The following GRID1 variants were observed in gnomAD, a reference collection of about 807,000 sequenced individuals.
The protein encoded by GRID1 is glutamate ionotropic receptor delta type subunit 1, also known as glutamate receptor ionotropic, delta-1.
A neutral mutation model predicts 98.0 loss-of-function variants in GRID1; 28 were observed. That is an observed-to-expected ratio of 0.29 (90% CI 0.21 to 0.39). The LOEUF is 0.39. GRID1 is among the 10% of genes least tolerant of loss of function. The pLI is 1.00. For synonymous variants in GRID1, 553 were observed against 538.5 expected (o/e 1.03, Z -0.37); for missense variants, 1,111 against 1,340.5 (o/e 0.83, Z 2.67).
chr10:86,053,556 T>A (rs1843532339), intron 4 of GRID1, among the ~76,000 whole-genome samples: 1 of 152,122 alleles, frequency 6.6e-6, no homozygotes, highest in Non-Finnish European at 1.5e-5. Flanking sequence ...GAGATGGGGT[T>A]TCGCCGTGTT....
rs573309360 is a variant in GRID1, at chr10:86,299,824, G to T, written c.235+64117C>A. Among the ~76,000 whole-genome samples the T allele has an allele frequency of 1.4e-3, 216 of 152,104 alleles. 2 individuals are homozygous for T. The highest frequency in any genetic ancestry group is 2.7e-3 in the Non-Finnish European group (184 of 68,022). On this transcript the variant is annotated intron_variant, in intron 2 of 15. Coordinates refer to ENST00000327946, the MANE Select transcript of GRID1 (RefSeq NM_017551.3). ...ACTTGGGCCACCAAACTGCAAATGG[G>T]ACAGACCCACGTGCTGGAGTTAGTC...
intron 4 of GRID1, among the ~76,000 whole-genome samples, chr10:86,108,234 G>A (rs553485072): frequency 2.0e-5 from 3 of 152,240 alleles, no homozygotes; most frequent in East Asian, 1.9e-4. Flanking sequence ...CACCCCCATC[G>A]CACACCCTGC....
chr10:86,199,175 A>G (rs1186710355), intron 3 of GRID1, among the ~76,000 whole-genome samples: 1 of 152,108 alleles, frequency 6.6e-6, no homozygotes, highest in African/African-American at 2.4e-5. Flanking sequence ...TGGAGTGACC[A>G]TGTGTGTCCA....
chr10:86,329,452 C>T (rs945972141), intron 2 of GRID1, among the ~76,000 whole-genome samples: 2 of 152,208 alleles, frequency 1.3e-5, no homozygotes. Flanking sequence ...GAAGGGGGCC[C>T]GCTGATGTCC....
At chr10:85,843,209 A>C (rs77011989) in intron 8 of GRID1, among the ~76,000 whole-genome samples, 1 of 152,002 alleles carries the variant, frequency 6.6e-6, no homozygotes, top group African/African-American at 2.4e-5. Context: ...CTTTTAAACA[A>C]ATGGTGATGA....
At position 86,304,977 on chromosome 10, in the gene GRID1, T is replaced by A. The variant is rs186886202; in HGVS notation, c.235+58964A>T. On this transcript the variant is annotated intron_variant, in intron 2 of 15. Transcript: ENST00000327946. Reference sequence around the variant, plus strand: ...TTCTAGGCTATGGGGGCCAGTTATTTCGTCAAACATGAGTCTAGAGGTTGC... The same window carrying A: ...TTCTAGGCTATGGGGGCCAGTTATTACGTCAAACATGAGTCTAGAGGTTGC... 3.3e-3 allele frequency among the ~76,000 whole-genome samples: 506 copies of A among 152,284 alleles called. 2 individuals carry two copies. Among genetic ancestry groups the A allele is most frequent in the Middle Eastern group, 6.8e-3 (2 of 294 alleles).
At chr10:85,989,112 T>C (rs1200478697) in intron 4 of GRID1, among the ~76,000 whole-genome samples, 1 of 152,202 alleles carries the variant, frequency 6.6e-6, no homozygotes, top group African/African-American at 2.4e-5. Context: ...TATCGAGAGT[T>C]GCCTGCTACC....
At chr10:85,971,437 CA>C (rs1402110440) in intron 4 of GRID1, among the ~76,000 whole-genome samples, 2 of 151,794 alleles carry the variant, frequency 1.3e-5, no homozygotes, top group African/African-American at 4.8e-5. Flanking sequence ...ACATATGTCC[CA>C]AAAAGACCCA....
chr10:85,826,872 T>A (rs1200473590), intron 8 of GRID1, among the ~76,000 whole-genome samples: 1 of 152,148 alleles, frequency 6.6e-6, no homozygotes, highest in Non-Finnish European at 1.5e-5. Flanking sequence ...GAGCTGGGGC[T>A]TGATCCCCTA....
intron 10 of GRID1, 135 bp downstream of exon 10, chr10:85,727,720 T>C: frequency 1.5e-6 from 1 of 656,238 alleles, no homozygotes; most frequent in Non-Finnish European, 2.7e-6. Flanking sequence ...CAAAAGAGCC[T>C]TTGTGTGGGG....
chr10:86,161,632 T>C (rs1845325010), intron 3 of GRID1, among the ~76,000 whole-genome samples: 1 of 152,074 alleles, frequency 6.6e-6, no homozygotes, highest in Non-Finnish European at 1.5e-5. Flanking sequence ...CAGGAGGGCT[T>C]ATCTCTCATC....
rs369744965 is a variant in GRID1 at position 85,619,834 on chromosome 10, G to A, written c.2360+33C>T. ...CTACCCTTGACCACTAGAGTCCTGA[G>A]GCAGCGGTAGTTACCTTGCTGCCCA... On this transcript the variant is annotated intron_variant, in intron 14 of 15. Transcript: ENST00000327946. 18 of 1,575,358 alleles carry A rather than the reference G, an allele frequency of 1.1e-5. No individual in the cohort carries two copies. The African/African-American group carries it at 2.2e-4, about 19-fold the overall frequency.
At chr10:85,872,257 G>C (rs1843285739) in intron 5 of GRID1, among the ~76,000 whole-genome samples, 1 of 152,118 alleles carries the variant, frequency 6.6e-6, no homozygotes, top group Non-Finnish European at 1.5e-5. Context: ...GAATATAAAG[G>C]ACCTGGGGAG....
chr10:86,342,304 C>T (rs1848321168), intron 2 of GRID1, among the ~76,000 whole-genome samples: 1 of 152,212 alleles, frequency 6.6e-6, no homozygotes, highest in South Asian at 2.1e-4. Context: ...AAAGGCCACA[C>T]AGCAGTGCTG....
intron 4 of GRID1, among the ~76,000 whole-genome samples, chr10:86,098,243 A>C (rs1194361291): frequency 1.3e-5 from 2 of 152,234 alleles, no homozygotes; most frequent in Non-Finnish European, 2.9e-5. Flanking sequence ...AACCATTGTT[A>C]ACATTTTCTG....
rs199648706 is a variant in GRID1 at position 85,613,417 on chromosome 10, G to A, written c.2591C>T (p.Thr864Ile). ...WWNSNRCHQETPKEDKEVNLE... is the reference protein window; with the variant it reads ...WWNSNRCHQEIPKEDKEVNLE... The stretch of plus-strand genomic sequence containing the variant: ...CCCCAGGGTGCTGACCTCCTTGGGG[G>A]TCTCCTGGTGGCACCGGTTGCTGTT... Residue 864 changes from threonine (T) to isoleucine (I), a missense_variant, in exon 15 of 16, where the codon ACC becomes ATC. Physicochemically the swap from Thr to Ile is moderately conservative, Grantham distance 89. Around this residue, in one of 3 missense-constraint regions of GRID1, gnomAD observed 762 missense variants for 869.1 expected, o/e 0.88. Transcript: ENST00000327946. 49 of 1,612,852 alleles carry A rather than the reference G, an allele frequency of 3.0e-5. No homozygotes were observed. The East Asian group carries it at 8.2e-4, about 27-fold the overall frequency.
chr10:85,929,918 G>T (rs1451750503), intron 4 of GRID1, among the ~76,000 whole-genome samples: 5 of 152,106 alleles, frequency 3.3e-5, no homozygotes, highest in Non-Finnish European at 5.9e-5. Context: ...GAGGACTTAG[G>T]TCTCTTAATC....
intron 4 of GRID1, among the ~76,000 whole-genome samples, chr10:86,037,812 G>A (rs982699091): frequency 3.9e-5 from 6 of 152,192 alleles, no homozygotes; most frequent in African/African-American, 1.4e-4. Flanking sequence ...GGGAAGCCCT[G>A]AGTTGTGCAT....
At chr10:86,248,256 A>G (rs914838122) in intron 2 of GRID1, among the ~76,000 whole-genome samples, 2 of 152,194 alleles carry the variant, frequency 1.3e-5, no homozygotes, top group Non-Finnish European at 2.9e-5. Context: ...TCACCCCCGC[A>G]GCAGGCTGGG....
Sources: gnomAD v4.1 joint callset for allele counts (sites outside exome capture counted in the v4.1 genomes callset) on GRCh38, gnomAD v4.1.1 for gene constraint, gnomAD v4.1.1 regional missense constraint, MANE v1.5 for transcripts, NCBI Gene and HGNC (gene_info 2026-07-23, HGNC 2026-07-21) for gene names.